Variants in SYCP1 observed in about 807,000 individuals in gnomAD.
SYCP1 encodes the protein cancer/testis antigen 8.
A neutral mutation model predicts 153.1 loss-of-function variants in SYCP1; 64 were observed. The ratio of observed to expected loss-of-function variants is 0.42; its 90% CI spans 0.34 to 0.51. SYCP1 has a LOEUF of 0.51. SYCP1 is among the 20% of genes least tolerant of loss of function. The pLI, the probability that SYCP1 is intolerant of heterozygous loss-of-function variation, is 0.06. For missense variants in SYCP1, 997 were observed against 1,049.0 expected (o/e 0.95, Z 0.68); for synonymous variants, 384 against 341.8 (o/e 1.12, Z -1.36).
intron 30 of SYCP1, among the ~76,000 whole-genome samples, chr1:114,989,983 A>G (rs1161592337): frequency 6.6e-6 from 1 of 151,954 alleles, no homozygotes; most frequent in Non-Finnish European, 1.5e-5. Flanking sequence ...GACTTGAACA[A>G]CACAATAAGC....
chr1:114,988,134 A>T (rs1359321673), intron 30 of SYCP1, among the ~76,000 whole-genome samples: 2 of 150,998 alleles, frequency 1.3e-5, no homozygotes, highest in Non-Finnish European at 3.0e-5. Flanking sequence ...AGAGCCTCAG[A>T]GTCTTGTAGC....
chr1:114,860,835 AT>A, intron 8 of SYCP1, 26 bp downstream of exon 8: 1 of 1,508,024 alleles, frequency 6.6e-7, no homozygotes, highest in Non-Finnish European at 8.9e-7. Context: ...GTTTTATGTG[AT>A]TTTATCAATT....
intron 23 of SYCP1, among the ~76,000 whole-genome samples, chr1:114,939,311 T>C (rs1167543212): frequency 6.6e-6 from 1 of 152,156 alleles, no homozygotes; most frequent in Non-Finnish European, 1.5e-5. Context: ...TTACTTAAAA[T>C]AAATGGAAAC....
At chr1:114,980,307 G>A (rs1434045640) in intron 28 of SYCP1, among the ~76,000 whole-genome samples, 1 of 151,824 alleles carries the variant, frequency 6.6e-6, no homozygotes, top group African/African-American at 2.4e-5. Context: ...TCCCACTAAA[G>A]CAACTATTAC....
chr1:114,981,878 C>T (rs546363370), intron 29 of SYCP1, among the ~76,000 whole-genome samples: 3 of 151,986 alleles, frequency 2.0e-5, no homozygotes, highest in African/African-American at 7.2e-5. Context: ...GTTTAAGGCC[C>T]TGACACAGGA....
At chr1:114,892,889 GC>G (rs1666818759) in intron 15 of SYCP1, among the ~76,000 whole-genome samples, 1 of 152,130 alleles carries the variant, frequency 6.6e-6, no homozygotes, top group South Asian at 2.1e-4. Flanking sequence ...TGGGGGCTGG[GC>G]TCTCAAAATG....
chr1:114,915,264 A>G (rs1030627583), intron 20 of SYCP1, among the ~76,000 whole-genome samples: 2 of 152,172 alleles, frequency 1.3e-5, no homozygotes, highest in African/African-American at 4.8e-5. Flanking sequence ...TTTGGTAGCC[A>G]TCACTACAAA....
intron 2 of SYCP1, 22 bp from the exon 3 acceptor site, chr1:114,856,551 A>G (rs763308589): frequency 2.6e-6 from 4 of 1,566,918 alleles, no homozygotes; most frequent in Non-Finnish European, 3.5e-6. Context: ...CAGAATATTT[A>G]AGAACTTCTT....
chr1:114,926,656 A>G (rs938877134), intron 23 of SYCP1, 93 bp downstream of exon 23: 24 of 1,064,384 alleles, frequency 2.3e-5, no homozygotes, highest in Non-Finnish European at 3.2e-5. Context: ...TATAAATTCA[A>G]TTTATACCAT....
At chr1:114,911,352 G>A (rs923568665) in intron 17 of SYCP1, 127 bp from the exon 18 acceptor site, 139 of 481,010 alleles carry the variant, frequency 2.9e-4, no homozygotes, top group Admixed American at 8.5e-5. Flanking sequence ...AAATTTACTC[G>A]TTTAAAATAT....
At chr1:114,924,791 G>A (rs975000383) in intron 21 of SYCP1, among the ~76,000 whole-genome samples, 8 of 151,984 alleles carry the variant, frequency 5.3e-5, no homozygotes, top group Non-Finnish European at 8.8e-5. Flanking sequence ...TGAAGGTGGG[G>A]AAAAATGAGG....
rs267597939 is a variant in SYCP1, at chr1:114,944,910, A to G, written c.2082A>G (p.Lys694=). The change falls in exon 25 of 32, where the codon AAA becomes AAG. Residue 694 remains lysine, a synonymous_variant. Coordinates refer to ENST00000369522, the MANE Select transcript of SYCP1 (RefSeq NM_003176.4). ...AAGTAATAGCTGATGAAGCAGTAAA[A>G]TTACAGAAAGAAATTGATAAGCGAT... ...KAKVIADEAV[K]LQKEIDKRCQ... is the part of the protein sequence containing the mutation. 6.2e-7 allele frequency: 1 copy of G among 1,605,194 alleles called. No homozygotes were observed. The highest frequency in any genetic ancestry group is 2.2e-5 in the East Asian group (1 of 44,574).
At chr1:114,969,152 G>C (rs533978063) in intron 27 of SYCP1, among the ~76,000 whole-genome samples, 1 of 152,162 alleles carries the variant, frequency 6.6e-6, no homozygotes, top group Admixed American at 6.5e-5. Context: ...CAGGAGGCAC[G>C]TGGGTCAGGG....
At position 114,931,600 on chromosome 1, in the gene SYCP1, A is replaced by G. The variant is rs529097127; in HGVS notation, c.1926+5037A>G. The stretch of plus-strand genomic sequence containing the variant: ...TGAAAGAAGACCTAAGTAAATACAT[A>G]TGTACCATATTCACTGATTGGATGT... On this transcript the variant is annotated intron_variant, in intron 23 of 31. Transcript: ENST00000369522. 1.6e-3 allele frequency among the ~76,000 whole-genome samples: 249 copies of G among 152,260 alleles called. 2 individuals are homozygous for G. The highest frequency in any genetic ancestry group is 5.8e-3 in the African/African-American group (240 of 41,568).
intron 8 of SYCP1, among the ~76,000 whole-genome samples, chr1:114,869,478 T>C (rs1404310370): frequency 1.3e-5 from 2 of 152,202 alleles, no homozygotes; most frequent in African/African-American, 4.8e-5. Flanking sequence ...GAATATTCCA[T>C]GTGAGCTTCA....
At chr1:114,934,055 A>G (rs1476021776) in intron 23 of SYCP1, among the ~76,000 whole-genome samples, 3 of 152,200 alleles carry the variant, frequency 2.0e-5, no homozygotes, top group African/African-American at 7.2e-5. Context: ...CAGGAAATAC[A>G]GAGAACACCA....
chr1:114,928,545 C>T (rs1201511422), intron 23 of SYCP1, among the ~76,000 whole-genome samples: 25 of 151,932 alleles, frequency 1.6e-4, no homozygotes, highest in Admixed American at 1.6e-3. Flanking sequence ...GGAAACTGAT[C>T]AATGAAAAGC....
At chr1:114,966,981 G>A (rs1340613700) in intron 27 of SYCP1, among the ~76,000 whole-genome samples, 2 of 152,064 alleles carry the variant, frequency 1.3e-5, no homozygotes, top group Admixed American at 6.6e-5. Flanking sequence ...CACTGCACTC[G>A]GCCTTGAGTG....
intron 12 of SYCP1, among the ~76,000 whole-genome samples, chr1:114,878,578 G>C (rs360637): frequency 0.99 from 150,614 of 152,276 alleles, 74,511 homozygotes; most frequent in Middle Eastern, 1. Flanking sequence ...GAGTCTCACT[G>C]TATCACCCAG....
Sources: gnomAD v4.1 joint callset for allele counts (sites outside exome capture counted in the v4.1 genomes callset) on GRCh38, gnomAD v4.1.1 for gene constraint, MANE v1.5 for transcripts, NCBI Gene and HGNC (gene_info 2026-07-23, HGNC 2026-07-21) for gene names.